XIAP: variants seen among roughly 807,000 people sequenced by gnomAD.
XIAP encodes the protein X-linked inhibitor of apoptosis.
A neutral mutation model predicts 33.1 loss-of-function variants in XIAP; 3 were observed. The observed-to-expected ratio is 0.09, with a 90% CI of 0.04 to 0.23. The LOEUF is 0.23. Among genes scored for constraint, XIAP ranks in the 10% least tolerant of loss-of-function variants. The pLI is 1.00. For synonymous variants in XIAP, 98 were observed against 121.3 expected (o/e 0.81, Z 1.26); for missense variants, 264 against 363.0 (o/e 0.73, Z 2.22).
Position 123,885,374 on chromosome X carries a change from G to A in XIAP, c.-32-257G>A, listed in dbSNP as rs185937006. Among the ~76,000 whole-genome samples, 249 of 111,559 alleles carry A rather than the reference G, an allele frequency of 2.2e-3. 1 individual carries two copies. The highest frequency in any genetic ancestry group is 7.9e-3 in the African/African-American group (244 of 30,810). ...CAGTTTACATATTTATGTAAAATAA[G>A]CATTTAAAAATTATTAGTTTTATTC... On this transcript the variant is annotated intron_variant, in intron 1 of 6. Transcript: ENST00000371199.
At chrX:123,888,148 A>G (rs2053371204) in intron 2 of XIAP, among the ~76,000 whole-genome samples, 1 of 111,369 alleles carries the variant, frequency 9.0e-6, no homozygotes, top group African/African-American at 3.2e-5. Flanking sequence ...AGGCTGGCCA[A>G]CATGGTGAAA....
rs1482485499 is a variant in XIAP at position 123,912,365 on chromosome X, A to G, written c.*5184A>G. On this transcript the variant is annotated 3_prime_UTR_variant, in exon 7 of 7. Transcript: ENST00000371199. ...CAAAAATGCAAAAAAAAAAAAAGCA[A>G]TTATTTTTAAACCAACCTAATATAT... 6 of 320,111 alleles carry G rather than the reference A, an allele frequency of 1.9e-5. No homozygotes were observed. In the East Asian group the frequency reaches 4.9e-4, roughly 26 times the overall value. The allele number at this position is 320,111 out of a possible 1,213,427, so 26.4% of individuals were successfully genotyped here. A position where few individuals can be genotyped will look rare whatever the true frequency, so the allele number is the denominator to read the frequency against.
Position 123,892,101 on chromosome X carries a change from C to T in XIAP, c.1057-630C>T, listed in dbSNP as rs28382731. Reference sequence around the variant, plus strand: ...AGGATGGGCGCTGGGCACGGTGGCTCACGCCTGTAATCCCAGCACTTTGGG... The same window carrying T: ...AGGATGGGCGCTGGGCACGGTGGCTTACGCCTGTAATCCCAGCACTTTGGG... On this transcript the variant is annotated intron_variant, in intron 4 of 6. Transcript: ENST00000371199. 9.4e-3 allele frequency among the ~76,000 whole-genome samples: 1,048 copies of T among 111,673 alleles called. 9 individuals are homozygous for T. The highest frequency in any genetic ancestry group is 0.031 in the African/African-American group (969 of 30,822).
intron 1 of XIAP, among the ~76,000 whole-genome samples, chrX:123,884,427 G>T (rs1446186072): frequency 9.3e-6 from 1 of 107,120 alleles, no homozygotes; most frequent in African/African-American, 3.4e-5. Context: ...GAGGTCGCAT[G>T]AACCAGTATC....
chrX:123,912,289 C>T lies in XIAP; in HGVS notation c.*5108C>T, dbSNP rs1468128264. 6.5e-6 allele frequency: 2 copies of T among 309,180 alleles called. No individual in the cohort carries two copies. Among genetic ancestry groups the T allele is most frequent in the Non-Finnish European group, 1.2e-5 (2 of 164,846 alleles). 25.5% of individuals were successfully genotyped at this position (309,180 alleles called of 1,213,427 possible). ...CAAAGAAAAAGCCAAAATTGTCATA[C>T]TGTTGTTAAGCAACAGTATAACAAC... On this transcript the variant is annotated 3_prime_UTR_variant, in exon 7 of 7. Transcript: ENST00000371199.
chrX:123,892,467 A>G (rs952411700), intron 4 of XIAP, among the ~76,000 whole-genome samples: 1 of 111,445 alleles, frequency 9.0e-6, no homozygotes, highest in African/African-American at 3.3e-5. Flanking sequence ...AAAATGGGAG[A>G]CTAGAGTTGC....
At chrX:123,903,644 T>TTTTTTG (rs2053535516) in intron 6 of XIAP, among the ~76,000 whole-genome samples, 1 of 71,985 alleles carries the variant, frequency 1.4e-5, no homozygotes, top group Non-Finnish European at 2.9e-5. Context: ...TTGTTTTTTG[T>TTTTTTG]TTTTTTTAGA....
chrX:123,886,000 G>T lies in XIAP; in HGVS notation c.338G>T (p.Gly113Val), dbSNP rs1370667504. 3.3e-6 allele frequency: 4 copies of T among 1,211,832 alleles called. No homozygotes were observed. The South Asian group carries it at 7.0e-5, about 21-fold the overall frequency. Residue 113 changes from glycine (G) to valine (V), a missense_variant, in exon 2 of 7, where the codon GGT becomes GTT. By Grantham distance (109) the Gly-to-Val change is moderately radical. Transcript: ENST00000371199. ...TCTACAAATTCTGGTATCCAGAATGGTCAGTACAAAGTTGAAAACTATCTG... is the reference window on the plus strand; with the variant it reads ...TCTACAAATTCTGGTATCCAGAATGTTCAGTACAAAGTTGAAAACTATCTG... ...TQSTNSGIQN[G>V]QYKVENYLGS... is the part of the protein sequence containing the mutation.
At chrX:123,881,599 A>G (rs1479909227) in intron 1 of XIAP, among the ~76,000 whole-genome samples, 1 of 111,714 alleles carries the variant, frequency 9.0e-6, no homozygotes, top group African/African-American at 3.3e-5. Flanking sequence ...TAGCATGGAA[A>G]CAACCTCTGG....
intron 1 of XIAP, among the ~76,000 whole-genome samples, chrX:123,880,314 G>A (rs1191155039): frequency 9.2e-6 from 1 of 108,151 alleles, no homozygotes; most frequent in Non-Finnish European, 1.9e-5. Flanking sequence ...AGGAGGCTGA[G>A]GTGGGAGAAT....
intron 1 of XIAP, among the ~76,000 whole-genome samples, chrX:123,868,549 G>A (rs1158127831): frequency 9.0e-6 from 1 of 110,836 alleles, no homozygotes; most frequent in Non-Finnish European, 1.9e-5. Context: ...GGGCAACATG[G>A]TAAAATGCTA....
intron 1 of XIAP, 147 bp downstream of exon 1, chrX:123,860,440 G>A (rs982203371): frequency 3.8e-6 from 1 of 262,312 alleles, no homozygotes; most frequent in Non-Finnish European, 7.3e-6. Context: ...GGGGTGGCCC[G>A]GCCCCGGCTG....
At chrX:123,893,738 G>A (rs915159165) in intron 5 of XIAP, among the ~76,000 whole-genome samples, 2 of 111,396 alleles carry the variant, frequency 1.8e-5, no homozygotes, top group African/African-American at 6.5e-5. Flanking sequence ...CTACTCGGGA[G>A]GCCGAGGCGG....
intron 3 of XIAP, among the ~76,000 whole-genome samples, chrX:123,890,798 G>A (rs1418148333): frequency 1.2e-4 from 13 of 109,360 alleles, no homozygotes; most frequent in African/African-American, 3.3e-4. Context: ...AAAATTAGCC[G>A]GGCGTAGTGG....
At chrX:123,884,525 CAG>C (rs1359105409) in intron 1 of XIAP, among the ~76,000 whole-genome samples, 2 of 110,499 alleles carry the variant, frequency 1.8e-5, no homozygotes, top group African/African-American at 6.6e-5. Flanking sequence ...AATATAGAGA[CAG>C]AGTCATTGTT....
At chrX:123,894,678 G>A in intron 5 of XIAP, among the ~76,000 whole-genome samples, 1 of 110,501 alleles carries the variant, frequency 9.0e-6, no homozygotes, top group African/African-American at 3.3e-5. Context: ...TGGGGCAGGA[G>A]AATTGCTTGA....
intron 1 of XIAP, among the ~76,000 whole-genome samples, chrX:123,866,555 T>C (rs1198388156): frequency 2.1e-5 from 2 of 97,307 alleles, no homozygotes; most frequent in Admixed American, 1.2e-4. Flanking sequence ...TATAATAATG[T>C]ATGATATATA....
At chrX:123,895,722 A>G (rs2053453187) in intron 5 of XIAP, among the ~76,000 whole-genome samples, 3 of 65,065 alleles carry the variant, frequency 4.6e-5, no homozygotes, top group African/African-American at 1.8e-4. Context: ...CCTATTGGCC[A>G]TTTGTAAATC....
chrX:123,890,074 T>A (rs1326801992), intron 3 of XIAP, among the ~76,000 whole-genome samples: 3 of 81,404 alleles, frequency 3.7e-5, no homozygotes, highest in Non-Finnish European at 6.8e-5. Flanking sequence ...TGGAGTGCAG[T>A]GGTGCGATCT....
Sources: gnomAD v4.1 joint callset for allele counts (sites outside exome capture counted in the v4.1 genomes callset) on GRCh38, gnomAD v4.1.1 for gene constraint, MANE v1.5 for transcripts, NCBI Gene and HGNC (gene_info 2026-07-23, HGNC 2026-07-21) for gene names.